Variants in BBS1 observed in about 807,000 individuals in gnomAD.
BBS1 encodes BBSome complex member BBS1.
Under a neutral mutation model 73.9 loss-of-function variants are expected in BBS1, and 60 were observed. The observed-to-expected ratio is 0.81, with a 90% CI of 0.66 to 1.01. The LOEUF (loss-of-function observed/expected upper bound fraction) is 1.01. Ranked by LOEUF, BBS1 falls within the 50% of genes least tolerant of loss-of-function variation. BBS1 has a pLI of 0.00. For missense variants in BBS1, 718 were observed against 770.3 expected (o/e 0.93, Z 0.80); for synonymous variants, 283 against 317.4 (o/e 0.89, Z 1.15).
intron 13 of BBS1, 72 bp from the exon 14 acceptor site, chr11:66,529,747 G>A: frequency 6.3e-7 from 1 of 1,580,976 alleles, no homozygotes; most frequent in Non-Finnish European, 8.6e-7. Flanking sequence ...ACCTGAGCAG[G>A]AGTGCCCCGT....
At chr11:66,512,619 T>A (rs1426613883) in intron 3 of BBS1, among the ~76,000 whole-genome samples, 1 of 152,192 alleles carries the variant, frequency 6.6e-6, no homozygotes, top group Non-Finnish European at 1.5e-5. Context: ...ATACCTAGTT[T>A]GTATTTGGCT....
intron 13 of BBS1, among the ~76,000 whole-genome samples, chr11:66,527,273 T>C (rs940809038): frequency 8.6e-5 from 13 of 151,518 alleles, no homozygotes; most frequent in Non-Finnish European, 1.6e-4. Flanking sequence ...CTTGTCCAGT[T>C]TTTCCTGCCC....
intron 7 of BBS1, among the ~76,000 whole-genome samples, chr11:66,516,176 A>G (rs537906503): frequency 1.6e-5 from 2 of 128,318 alleles, no homozygotes; most frequent in African/African-American, 6.1e-5. Context: ...CCCAGGCTGG[A>G]GTACAGTGGC....
At chr11:66,515,499 C>A in intron 4 of BBS1, 41 bp from the exon 5 acceptor site, 1 of 1,611,614 alleles carries the variant, frequency 6.2e-7, no homozygotes, top group Non-Finnish European at 8.5e-7. Flanking sequence ...GGGTTTCCTG[C>A]CTGGCTTGAG....
intron 8 of BBS1, 70 bp from the exon 9 acceptor site, chr11:66,521,200 G>T (rs1478728418): frequency 8.9e-7 from 1 of 1,127,666 alleles, no homozygotes; most frequent in South Asian, 1.2e-5. Context: ...TCACTCAGAG[G>T]AGTTACTGAC....
At position 66,510,704 on chromosome 11, in the gene BBS1, G is replaced by C. The variant is rs767116799; in HGVS notation, c.45G>C (p.Glu15Asp). The C allele has an allele frequency of 6.8e-6, 11 of 1,614,194 alleles. No homozygotes were observed. Among genetic ancestry groups the C allele is most frequent in the Non-Finnish European group, 9.3e-6 (11 of 1,180,026 alleles). The change falls in exon 1 of 17, where the codon GAG becomes GAC. Residue 15 changes from glutamate to aspartate, a missense_variant and splice_region_variant. Glu to Asp is a conservative substitution (Grantham distance 45). Transcript: ENST00000318312. ...SSSDSDACGA[E>D]SNEANSKWLD... ...CGGATTCCGACGCCTGCGGAGCTGA[G>C]AGGTGAAGGCAGGGCTCCTCAAGGC...
rs182329044 is a variant in BBS1, at chr11:66,521,483, C to G, written c.830+107C>G. Reference sequence around the variant, plus strand: ...GCTTTAAGGCTGGAATTTGGAAATGCAAAGAGCTGAGAACTTCATAAAGGA... The same window carrying G: ...GCTTTAAGGCTGGAATTTGGAAATGGAAAGAGCTGAGAACTTCATAAAGGA... On this transcript the variant is annotated intron_variant, in intron 9 of 16. Coordinates refer to ENST00000318312, the MANE Select transcript of BBS1 (RefSeq NM_024649.5). The G allele has an allele frequency of 3.6e-4, 314 of 882,856 alleles. 1 individual carries two copies. The highest frequency in any genetic ancestry group is 3.5e-4 in the Non-Finnish European group (192 of 542,402). 54.7% of individuals were successfully genotyped at this position (882,856 alleles called of 1,614,324 possible).
At position 66,533,006 on chromosome 11, in the gene BBS1, G is replaced by A; in HGVS notation, c.*969G>A. 1 of 152,252 alleles carries A rather than the reference G, an allele frequency of 6.6e-6. No homozygotes were observed. The highest frequency in any genetic ancestry group is 1.9e-4 in the East Asian group (1 of 5,206). The allele number at this position is 152,252 out of a possible 1,614,324, so 9.4% of individuals were successfully genotyped here. ...TCACATCGTGAGAATTAGCAGGAAA[G>A]GCGGGGCCTTTCTTGTCATAGCTAT... On this transcript the variant is annotated 3_prime_UTR_variant, in exon 17 of 17. Transcript: ENST00000318312.
chr11:66,513,648 C>T (rs1300657567), intron 3 of BBS1, among the ~76,000 whole-genome samples: 1 of 152,148 alleles, frequency 6.6e-6, no homozygotes, highest in Non-Finnish European at 1.5e-5. Flanking sequence ...CACTGCACTC[C>T]AGCCTAGGTG....
intron 3 of BBS1, among the ~76,000 whole-genome samples, chr11:66,512,543 A>G (rs931942557): frequency 3.3e-5 from 5 of 152,226 alleles, no homozygotes; most frequent in African/African-American, 9.6e-5. Context: ...CACTACACTC[A>G]GAAATGCATC....
At chr11:66,522,882 C>T (rs183141150) in intron 9 of BBS1, 1 of 345,414 alleles carries the variant, frequency 2.9e-6, no homozygotes, top group Admixed American at 4.2e-5. Context: ...AGGAACACCT[C>T]TCTGTGGAGA....
In BBS1 at chr11:66,521,339, G is replaced by A. The variant is rs569184861; in HGVS notation, c.793G>A (p.Ala265Thr). The A allele has an allele frequency of 8.1e-6, 13 of 1,614,074 alleles. No homozygotes were observed. Among genetic ancestry groups the A allele is most frequent in the Middle Eastern group, 3.3e-4 (2 of 6,076 alleles). The change falls in exon 9 of 17, where the codon GCG (alanine) becomes ACG (threonine). Residue 265 changes from alanine (A) to threonine (T), a missense_variant. Transcript: ENST00000318312. Reference protein sequence around the residue: ...GQFDVEFRLAAACRNGNIYIL... With the variant: ...GQFDVEFRLATACRNGNIYIL... The stretch of plus-strand genomic sequence containing the variant: ...GTTTGATGTTGAGTTCCGGCTTGCC[G>A]CGGCCTGCCGCAATGGAAACATCTA...
chr11:66,532,131 T>C lies in BBS1; in HGVS notation c.*94T>C. The C allele has an allele frequency of 7.5e-7, 1 of 1,334,202 alleles. No individual in the cohort carries two copies. Among genetic ancestry groups the C allele is most frequent in the Non-Finnish European group, 1.0e-6 (1 of 969,450 alleles). 82.6% of individuals were successfully genotyped at this position (1,334,202 alleles called of 1,614,324 possible). A position where few individuals can be genotyped will look rare whatever the true frequency, so the allele number is the denominator to read the frequency against. On this transcript the variant is annotated 3_prime_UTR_variant, in exon 17 of 17. Coordinates refer to ENST00000318312, the MANE Select transcript of BBS1 (RefSeq NM_024649.5). ...GCCCACTCCTCATGCAGCAGTGTGC[T>C]GGGGCGACAGCTCGTCTCCCCTCTC...
intron 4 of BBS1, among the ~76,000 whole-genome samples, chr11:66,515,328 T>G (rs899486894): frequency 2.0e-5 from 3 of 151,734 alleles, no homozygotes. Flanking sequence ...GGAGGGGAAT[T>G]TGGGGAGGCA....
In BBS1 at chr11:66,529,828, G is replaced by A. The variant is rs77298332; in HGVS notation, c.1349G>A (p.Arg450Gln). Residue 450 changes from arginine (R) to glutamine (Q), a missense_variant, in exon 14 of 17, where the codon CGG (arginine) becomes CAG (glutamine). Physicochemically the swap from Arg to Gln is conservative, Grantham distance 43. Transcript: ENST00000318312. ...GGACCCTTCTCCACAGCCATGCACC[G>A]GGCCTTCCAGACAGACCTATACCTG... is the stretch of plus-strand genomic sequence containing the variant. ...REREAGTAMH[R>Q]AFQTDLYLLR... 3.7e-3 allele frequency: 5,979 copies of A among 1,611,024 alleles called. 193 individuals carry two copies. The African/African-American group carries it at 0.069, about 19-fold the overall frequency.
Position 66,533,275 on chromosome 11 carries a change from A to G in BBS1, c.*1238A>G, listed in dbSNP as rs1387277042. 6.6e-6 allele frequency: 1 copy of G among 152,158 alleles called. No individual in the cohort carries two copies. Among genetic ancestry groups the G allele is most frequent in the Non-Finnish European group, 1.5e-5 (1 of 68,028 alleles). 9.4% of individuals were successfully genotyped at this position (152,158 alleles called of 1,614,324 possible). ...CATACTTATTTAAAAACACATACCC[A>G]CTTACTAATGTGGAATTACACAGTT... On this transcript the variant is annotated 3_prime_UTR_variant, in exon 17 of 17. Coordinates refer to ENST00000318312, the MANE Select transcript of BBS1 (RefSeq NM_024649.5).
At chr11:66,530,459 C>T (rs1856727659) in intron 14 of BBS1, among the ~76,000 whole-genome samples, 1 of 152,134 alleles carries the variant, frequency 6.6e-6, no homozygotes, top group Admixed American at 6.5e-5. Context: ...GCCCTAAATG[C>T]GTCCCTGAGG....
rs747282202 is a variant in BBS1, at chr11:66,521,331, G to A, written c.785G>A (p.Arg262Gln). The A allele has an allele frequency of 2.7e-5, 43 of 1,614,116 alleles. No homozygotes were observed. The East Asian group carries it at 4.2e-4, about 16-fold the overall frequency. The change falls in exon 9 of 17, where the codon CGG (arginine) becomes CAG (glutamine). Residue 262 changes from arginine (R) to glutamine (Q), a missense_variant. Coordinates refer to ENST00000318312, the MANE Select transcript of BBS1 (RefSeq NM_024649.5). The part of the protein sequence containing the change: ...EVSGQFDVEF[R>Q]LAAACRNGNI... ...TCTGGCCAGTTTGATGTTGAGTTCC[G>A]GCTTGCCGCGGCCTGCCGCAATGGA...
At chr11:66,527,668 C>CAAAAAAAAAAAAAAAAA (rs58165767) in intron 13 of BBS1, 1 of 57,968 alleles carries the variant, frequency 1.7e-5, no homozygotes, top group Non-Finnish European at 3.2e-5. Context: ...GACTCCGTCT[C>CAAAAAAAAAAAAAAAAA]AAAAAAAAAA....
Sources: allele counts gnomAD v4.1 joint callset (sites outside exome capture counted in the v4.1 genomes callset), GRCh38; gene constraint gnomAD v4.1.1; transcripts MANE v1.5; gene names NCBI Gene and HGNC (gene_info 2026-07-23, HGNC 2026-07-21).